RABGAP1: variants seen among roughly 807,000 people sequenced by gnomAD.
RABGAP1 encodes the protein rab GTPase-activating protein 1.
RABGAP1 carries 23 observed loss-of-function variants against 137.6 expected under a neutral mutation model. The observed-to-expected ratio is 0.17, with a 90% CI of 0.12 to 0.24. RABGAP1 has a LOEUF of 0.24. Among genes scored for constraint, RABGAP1 ranks in the 10% least tolerant of loss-of-function variants. The pLI is 1.00. For synonymous variants in RABGAP1, 451 were observed against 450.7 expected, an observed-to-expected ratio of 1.00 and a Z score of -0.01; for missense variants, 906 against 1,275.8, an observed-to-expected ratio of 0.71 and a Z score of 4.42.
intron 1 of RABGAP1, among the ~76,000 whole-genome samples, chr9:122,950,325 G>T (rs1444656867): frequency 6.7e-6 from 1 of 150,134 alleles, no homozygotes; most frequent in Non-Finnish European, 1.5e-5. Flanking sequence ...AGAAAAGGAG[G>T]AGTCAAGATT....
At chr9:123,012,663 T>TTC (rs2030906160) in intron 11 of RABGAP1, among the ~76,000 whole-genome samples, 1 of 152,206 alleles carries the variant, frequency 6.6e-6, no homozygotes, top group Non-Finnish European at 1.5e-5. Flanking sequence ...CACTAGAACA[T>TTC]AAGCTCTGTG....
chr9:122,982,749 T>G (rs986302837), intron 2 of RABGAP1, among the ~76,000 whole-genome samples: 2 of 152,132 alleles, frequency 1.3e-5, no homozygotes, highest in African/African-American at 4.8e-5. Context: ...CTTTAAAAAT[T>G]TTTTAAGCTG....
chr9:123,089,537 T>C lies in RABGAP1; in HGVS notation c.2425-221T>C, dbSNP rs1291666357. On this transcript the variant is annotated intron_variant, in intron 19 of 25. Coordinates refer to ENST00000373647, the MANE Select transcript of RABGAP1 (RefSeq NM_012197.4). ...CATTCTAATACTGTCAGTTAAAGCC[T>C]TAGGACCCAAACATCTCCAACAGAA... 1.0e-5 allele frequency: 5 copies of C among 486,972 alleles called. No homozygotes were observed. In the Admixed American group the frequency reaches 1.6e-4, roughly 16 times the overall value. 30.2% of individuals were successfully genotyped at this position (486,972 alleles called of 1,614,324 possible). A position where few individuals can be genotyped will look rare whatever the true frequency, so the allele number is the denominator to read the frequency against.
intron 1 of RABGAP1, among the ~76,000 whole-genome samples, chr9:122,944,426 C>T (rs1267049161): frequency 1.3e-5 from 2 of 152,246 alleles, no homozygotes; most frequent in South Asian, 2.1e-4. Flanking sequence ...GACTGGGTTT[C>T]ACTGTGTGGC....
chr9:123,077,691 A>G lies in RABGAP1; in HGVS notation c.2424+929A>G, dbSNP rs192321530. On this transcript the variant is annotated intron_variant, in intron 19 of 25. Transcript: ENST00000373647. ...ATTGTATTGTATTGTATTGTATTGT[A>G]TTTATTTTCTGTGGGGCTTTTTTTG... Among the ~76,000 whole-genome samples, 3 of 133,338 alleles carry G rather than the reference A, an allele frequency of 2.2e-5. No homozygotes were observed. In the East Asian group the frequency reaches 6.5e-4, roughly 29 times the overall value. The allele number at this position is 133,338 out of a possible 152,430, so 87.5% of individuals were successfully genotyped here.
intron 19 of RABGAP1, among the ~76,000 whole-genome samples, chr9:123,083,454 C>T (rs2034774866): frequency 6.6e-6 from 1 of 152,094 alleles, no homozygotes; most frequent in African/African-American, 2.4e-5. Context: ...TAAATTTTGC[C>T]AGTTGTTGCA....
intron 2 of RABGAP1, among the ~76,000 whole-genome samples, chr9:122,971,046 A>G (rs948893770): frequency 1.3e-5 from 2 of 152,194 alleles, no homozygotes; most frequent in Non-Finnish European, 2.9e-5. Context: ...TTTGATAACT[A>G]CGTTGGGCAA....
intron 1 of RABGAP1, among the ~76,000 whole-genome samples, chr9:122,948,689 G>C (rs1046039458): frequency 6.6e-6 from 1 of 152,178 alleles, no homozygotes; most frequent in Admixed American, 6.5e-5. Context: ...GAAGTGGTTA[G>C]TGTTTGGTCC....
At chr9:123,051,779 A>G (rs1478762451) in intron 13 of RABGAP1, among the ~76,000 whole-genome samples, 1 of 148,448 alleles carries the variant, frequency 6.7e-6, no homozygotes, top group Non-Finnish European at 1.5e-5. Flanking sequence ...ATTTTATTTT[A>G]TTTTATTTTA....
intron 13 of RABGAP1, among the ~76,000 whole-genome samples, chr9:123,057,558 CA>C (rs1306018491): frequency 4.0e-5 from 6 of 151,448 alleles, no homozygotes; most frequent in African/African-American, 1.5e-4. Flanking sequence ...AGACGCTCCT[CA>C]CTTTCCAGAC....
upstream of RABGAP1, among the ~76,000 whole-genome samples, chr9:122,936,500 C>A (rs927256885): frequency 3.3e-5 from 5 of 152,176 alleles, no homozygotes; most frequent in Non-Finnish European, 7.3e-5. Flanking sequence ...TAATTTCAGT[C>A]TCTGTCAGCT....
intron 13 of RABGAP1, 46 bp downstream of exon 13, chr9:123,020,505 T>C (rs749344930): frequency 8.3e-5 from 119 of 1,429,670 alleles, no homozygotes; most frequent in Non-Finnish European, 1.0e-4. Context: ...TTTTAGAGAT[T>C]TGTGATGAAA....
At chr9:123,002,299 CAA>C (rs200227677) in intron 10 of RABGAP1, among the ~76,000 whole-genome samples, 9 of 124,748 alleles carry the variant, frequency 7.2e-5, no homozygotes, top group Admixed American at 8.1e-5. Flanking sequence ...AAAACTCCGT[CAA>C]AAAAAAAAAA....
At chr9:123,045,849 G>T (rs1398075782) in intron 13 of RABGAP1, among the ~76,000 whole-genome samples, 3 of 152,160 alleles carry the variant, frequency 2.0e-5, no homozygotes, top group Non-Finnish European at 2.9e-5. Context: ...GAATTATTGT[G>T]AAAATTAGGT....
intron 14 of RABGAP1, 36 bp downstream of exon 14, chr9:123,065,497 G>A (rs1391122662): frequency 3.6e-6 from 5 of 1,387,618 alleles, no homozygotes; most frequent in African/African-American, 1.4e-5. Context: ...ACTCAATTCT[G>A]AGTGGTGGTT....
chr9:122,997,172 C>A, intron 8 of RABGAP1, 87 bp from the exon 9 acceptor site: 2 of 933,178 alleles, frequency 2.1e-6, no homozygotes, highest in Non-Finnish European at 3.3e-6. Context: ...ATTTTTGCAG[C>A]TTCTGGTTTT....
At chr9:123,095,614 ATTGT>A (rs1476682508) in intron 21 of RABGAP1, among the ~76,000 whole-genome samples, 1 of 151,828 alleles carries the variant, frequency 6.6e-6, no homozygotes, top group African/African-American at 2.4e-5. Context: ...AGATGGGAGT[ATTGT>A]TTGAGCGCAG....
At chr9:122,937,244 A>G (rs976164339), upstream of RABGAP1, among the ~76,000 whole-genome samples, 3 of 152,254 alleles carry the variant, frequency 2.0e-5, no homozygotes, top group Non-Finnish European at 2.9e-5. Context: ...CACAGAAGCC[A>G]AGATAGATGT....
intron 24 of RABGAP1, among the ~76,000 whole-genome samples, chr9:123,101,082 GT>G (rs1291053385): frequency 1.3e-5 from 2 of 152,096 alleles, no homozygotes; most frequent in Non-Finnish European, 2.9e-5. Flanking sequence ...CATTTTATTT[GT>G]AATCATAGTT....
Sources: gnomAD v4.1 joint callset for allele counts (sites outside exome capture counted in the v4.1 genomes callset) on GRCh38, gnomAD v4.1.1 for gene constraint, MANE v1.5 for transcripts, NCBI Gene and HGNC (gene_info 2026-07-23, HGNC 2026-07-21) for gene names.